SPAG9: variants seen among roughly 807,000 people sequenced by gnomAD.
SPAG9 encodes C-Jun-amino-terminal kinase-interacting protein 4.
In SPAG9, 35 loss-of-function variants were observed where a neutral mutation model predicts 166.5. The ratio of observed to expected loss-of-function variants is 0.21; its 90% CI spans 0.16 to 0.28. The LOEUF (loss-of-function observed/expected upper bound fraction) is 0.28, where lower values mean the gene tolerates loss of function less well. Ranked by LOEUF, SPAG9 falls within the 10% of genes least tolerant of loss-of-function variation. The pLI is 1.00. For missense variants in SPAG9, 1,235 were observed against 1,603.3 expected (o/e 0.77, Z 3.92); for synonymous variants, 534 against 565.5 (o/e 0.94, Z 0.79).
intron 1 of SPAG9, among the ~76,000 whole-genome samples, chr17:51,096,625 TACA>T (rs1480732071): frequency 2.6e-5 from 4 of 152,158 alleles, no homozygotes; most frequent in African/African-American, 4.8e-5. Context: ...CGAATGTTAC[TACA>T]ACAACATTTG....
intron 26 of SPAG9, among the ~76,000 whole-genome samples, chr17:50,977,638 C>T (rs2143668829): frequency 6.6e-6 from 1 of 152,274 alleles, no homozygotes; most frequent in Non-Finnish European, 1.5e-5. Context: ...CACGGTGGCT[C>T]ACTCCTGTAG....
At chr17:51,085,886 G>A (rs1000314439) in intron 1 of SPAG9, among the ~76,000 whole-genome samples, 1 of 151,630 alleles carries the variant, frequency 6.6e-6, no homozygotes, top group Non-Finnish European at 1.5e-5. Context: ...AGAAATCAAG[G>A]AGGATTTTTC....
intron 4 of SPAG9, chr17:51,046,458 A>G: frequency 7.0e-7 from 1 of 1,432,098 alleles, no homozygotes; most frequent in Non-Finnish European, 9.4e-7. Flanking sequence ...AAAATTTAAT[A>G]AAAACCAGCT....
chr17:51,020,306 C>A (rs760694106), intron 7 of SPAG9, 48 bp from the exon 8 acceptor site: 2 of 1,234,090 alleles, frequency 1.6e-6, no homozygotes, highest in South Asian at 2.5e-5. Context: ...TTACACAGTA[C>A]CCCAATATAA....
chr17:50,969,857 GAACT>G (rs1973645956), intron 29 of SPAG9, among the ~76,000 whole-genome samples: 1 of 152,154 alleles, frequency 6.6e-6, no homozygotes, highest in South Asian at 2.1e-4. Context: ...CCCTTGGAAA[GAACT>G]GACTACTCAC....
intron 21 of SPAG9, 183 bp downstream of exon 21, chr17:50,989,494 G>A (rs991987359): frequency 9.2e-6 from 6 of 652,768 alleles, no homozygotes; most frequent in African/African-American, 9.1e-5. Context: ...CAGAAGAAAT[G>A]GGGGGGAATA....
chr17:51,051,150 C>T (rs2144486417), intron 3 of SPAG9, among the ~76,000 whole-genome samples: 1 of 152,192 alleles, frequency 6.6e-6, no homozygotes, highest in South Asian at 2.1e-4. Flanking sequence ...TGCTCTGTCA[C>T]CCAGGCTGGA....
intron 16 of SPAG9, 21 bp from the exon 17 acceptor site, chr17:50,995,554 A>G (rs113418837): frequency 1.4e-6 from 2 of 1,479,150 alleles, no homozygotes; most frequent in Non-Finnish European, 1.9e-6. Flanking sequence ...TGGAAGGAGG[A>G]GTGAAAAAGG....
rs2045607577 is a variant in SPAG9, at chr17:51,014,223, C to T, written c.1213+9G>A. On this transcript the variant is annotated intron_variant, in intron 9 of 29. Transcript: ENST00000262013. The stretch of plus-strand genomic sequence containing the variant: ...ACAGTATGATATTTCTTCAGATGAG[C>T]TATCATACCTAGTAAATCTGCTCCT... The T allele has an allele frequency of 1.3e-6, 2 of 1,596,446 alleles. No homozygotes were observed. The highest frequency in any genetic ancestry group is 1.7e-6 in the Non-Finnish European group (2 of 1,172,586).
At chr17:51,053,898 TAA>T (rs1555650803) in intron 3 of SPAG9, among the ~76,000 whole-genome samples, 4 of 100,172 alleles carry the variant, frequency 4.0e-5, no homozygotes, top group Non-Finnish European at 6.0e-5. Context: ...TATATATATA[TAA>T]AACATATATG....
At chr17:50,987,478 T>C (rs1454185776) in intron 21 of SPAG9, among the ~76,000 whole-genome samples, 1 of 150,888 alleles carries the variant, frequency 6.6e-6, no homozygotes. Context: ...TAACAGGGAC[T>C]AGAGGCACAC....
chr17:50,989,427 A>C, intron 21 of SPAG9: 1 of 528,390 alleles, frequency 1.9e-6, no homozygotes, highest in Non-Finnish European at 3.4e-6. Context: ...CCCATTGTTG[A>C]CTGATGCATG....
chr17:51,068,918 C>CG (rs1298363835), intron 2 of SPAG9, among the ~76,000 whole-genome samples: 5 of 152,004 alleles, frequency 3.3e-5, no homozygotes, highest in African/African-American at 1.2e-4. Flanking sequence ...AGCTAAAGAC[C>CG]ACAAGTATTA....
At chr17:51,056,924 T>G (rs1015909001) in intron 2 of SPAG9, among the ~76,000 whole-genome samples, 26 of 152,164 alleles carry the variant, frequency 1.7e-4, no homozygotes, top group African/African-American at 6.3e-4. Flanking sequence ...GGACTCATCT[T>G]CTTTTATTTA....
chr17:51,013,484 A>G (rs765018530), intron 9 of SPAG9, among the ~76,000 whole-genome samples: 1 of 152,158 alleles, frequency 6.6e-6, no homozygotes, highest in Non-Finnish European at 1.5e-5. Flanking sequence ...GCAACCACAG[A>G]CAATAAGTAA....
rs549298568 is a variant in SPAG9 at position 51,028,214 on chromosome 17, ATAAAG to A, written c.783+3462_783+3466del. The stretch of plus-strand genomic sequence containing the variant: ...AAAAAGGTAAAAAAATTTAAAGTTT[ATAAAG>A]TAAATAAGTTACAGTAAGCTAAGGT... On this transcript the variant is annotated intron_variant, in intron 6 of 29. Coordinates refer to ENST00000262013, the MANE Select transcript of SPAG9 (RefSeq NM_001130528.3). 2.5e-3 allele frequency among the ~76,000 whole-genome samples: 374 copies of A among 152,314 alleles called. 1 individual carries two copies. Among genetic ancestry groups the A allele is most frequent in the African/African-American group, 8.7e-3 (363 of 41,582 alleles).
In SPAG9 at chr17:51,006,256, A is replaced by T; in HGVS notation, c.1272-19T>A. ...AGCATTTCTAAGAAACACATATTTC[A>T]AGTGCATCATTACAAATAAATATTC... On this transcript the variant is annotated intron_variant, in intron 10 of 29. Coordinates refer to ENST00000262013, the MANE Select transcript of SPAG9 (RefSeq NM_001130528.3). 1 of 1,609,928 alleles carries T rather than the reference A, an allele frequency of 6.2e-7. No individual in the cohort carries two copies.
chr17:51,005,439 A>C (rs536001084), intron 11 of SPAG9, among the ~76,000 whole-genome samples, 176 bp from the exon 12 acceptor site: 1 of 152,374 alleles, frequency 6.6e-6, no homozygotes, highest in East Asian at 1.9e-4. Flanking sequence ...ATTGTTCAGA[A>C]ATAAACAGGT....
intron 1 of SPAG9, chr17:51,085,250 A>G (rs560252819): frequency 6.6e-6 from 1 of 152,330 alleles, no homozygotes; most frequent in South Asian, 2.1e-4. Flanking sequence ...GCTACCAAAA[A>G]TTTTTACCAC....
Sources: gnomAD v4.1 joint callset for allele counts (sites outside exome capture counted in the v4.1 genomes callset) on GRCh38, gnomAD v4.1.1 for gene constraint, MANE v1.5 for transcripts, NCBI Gene and HGNC (gene_info 2026-07-23, HGNC 2026-07-21) for gene names.